The following CISD2 variants were observed in gnomAD, a reference collection of about 807,000 sequenced individuals.
CISD2 encodes CDGSH iron sulfur domain 2.
In CISD2, 1 loss-of-function variant was observed where a neutral mutation model predicts 12.9. The ratio of observed to expected loss-of-function variants is 0.08; its 90% CI spans 0.03 to 0.37. The LOEUF (loss-of-function observed/expected upper bound fraction) is 0.37. Ranked by LOEUF, CISD2 falls within the 10% of genes least tolerant of loss-of-function variation. CISD2 has a pLI of 0.99. For missense variants in CISD2, 97 were observed against 163.1 expected (o/e 0.59, Z 2.21); for synonymous variants, 50 against 60.6 (o/e 0.83, Z 0.81).
intron 1 of CISD2, among the ~76,000 whole-genome samples, chr4:102,872,171 C>T (rs1376300481): frequency 6.6e-6 from 1 of 152,132 alleles, no homozygotes; most frequent in Non-Finnish European, 1.5e-5. Context: ...TGGGTTCAAG[C>T]GATGCTTATG....
intron 1 of CISD2, among the ~76,000 whole-genome samples, chr4:102,873,376 A>C (rs1310625462): frequency 6.6e-6 from 1 of 152,068 alleles, no homozygotes; most frequent in East Asian, 1.9e-4. Context: ...AGCTCAAGCC[A>C]TCCTCCCACC....
At chr4:102,880,355 A>G (rs188239565) in intron 1 of CISD2, among the ~76,000 whole-genome samples, 172 of 152,312 alleles carry the variant, frequency 1.1e-3, no homozygotes, top group African/African-American at 3.9e-3. Flanking sequence ...ATAATCTGAC[A>G]TACCATTAAG....
At chr4:102,886,090 T>G (rs927432874) in intron 2 of CISD2, among the ~76,000 whole-genome samples, 10 of 152,194 alleles carry the variant, frequency 6.6e-5, no homozygotes, top group Admixed American at 3.9e-4. Flanking sequence ...ACTAAATATC[T>G]GATAAAAAGG....
intron 1 of CISD2, among the ~76,000 whole-genome samples, chr4:102,884,055 A>G (rs550576568): frequency 6.6e-6 from 1 of 152,340 alleles, no homozygotes; most frequent in South Asian, 2.1e-4. Flanking sequence ...CAATAGTTAA[A>G]TAGTACTATT....
Position 102,869,195 on chromosome 4 carries a change from T to TC in CISD2, c.103+13dup, listed in dbSNP as rs768213684. ...GGTTCGCTAGGCTCACAGGTAATCC[T>TC]CCCCCATCAGCCAGTCCCCATCCTT... On this transcript the variant is annotated intron_variant, in intron 1 of 2. Coordinates refer to ENST00000273986, the MANE Select transcript of CISD2 (RefSeq NM_001008388.5). 5 of 1,597,672 alleles carry TC rather than the reference T, an allele frequency of 3.1e-6. No individual in the cohort carries two copies. Among genetic ancestry groups the TC allele is most frequent in the Non-Finnish European group, 4.3e-6 (5 of 1,172,398 alleles).
chr4:102,880,630 A>G (rs1733692694), intron 1 of CISD2, among the ~76,000 whole-genome samples: 1 of 152,020 alleles, frequency 6.6e-6, no homozygotes, highest in African/African-American at 2.4e-5. Context: ...GTGAGCCAAG[A>G]TCATGCCACT....
chr4:102,872,983 G>A (rs965392764), intron 1 of CISD2, among the ~76,000 whole-genome samples: 6 of 152,158 alleles, frequency 3.9e-5, no homozygotes, highest in Admixed American at 1.3e-4. Flanking sequence ...CAATCATGGC[G>A]GAAGGCGAAG....
intron 1 of CISD2, 47 bp from the exon 2 acceptor site, chr4:102,885,169 A>G (rs775550185): frequency 1.4e-6 from 2 of 1,443,108 alleles, no homozygotes; most frequent in Non-Finnish European, 2.0e-6. Flanking sequence ...GCTATTTTGA[A>G]TTCTTTTCCA....
intron 1 of CISD2, among the ~76,000 whole-genome samples, chr4:102,876,463 CAA>C (rs1733595479): frequency 6.6e-6 from 1 of 152,106 alleles, no homozygotes; most frequent in Non-Finnish European, 1.5e-5. Context: ...GGTAACTACT[CAA>C]GAGGCCAGGT....
At chr4:102,885,669 G>C (rs1047947814) in intron 2 of CISD2, among the ~76,000 whole-genome samples, 2 of 152,206 alleles carry the variant, frequency 1.3e-5, no homozygotes, top group Admixed American at 6.5e-5. Context: ...CATTTATGTA[G>C]AGTAACATGT....
chr4:102,878,612 A>C lies in CISD2; in HGVS notation c.104-6604A>C, dbSNP rs1733644964. Among the ~76,000 whole-genome samples, 5 of 152,154 alleles carry C rather than the reference A, an allele frequency of 3.3e-5. No homozygotes were observed. In the South Asian group the frequency reaches 1.0e-3, roughly 31 times the overall value. ...GCATAGCAAGAGTGACCTTTGCTCC[A>C]TTTCCCAGTAAGTTCCTCATCTCCA... On this transcript the variant is annotated intron_variant, in intron 1 of 2. Transcript: ENST00000273986.
rs1734230174 is a variant in CISD2, at chr4:102,891,185, GTCT to G, written c.*3760_*3762del. ...TTCAAATTAAGTGGTAATTGAAAAA[GTCT>G]TCTTTTTAAAAAATTTTTAATGGTA... On this transcript the variant is annotated 3_prime_UTR_variant, in exon 3 of 3. Coordinates refer to ENST00000273986, the MANE Select transcript of CISD2 (RefSeq NM_001008388.5). 6.6e-6 allele frequency: 1 copy of G among 151,688 alleles called. No homozygotes were observed. Among genetic ancestry groups the G allele is most frequent in the Non-Finnish European group, 1.5e-5 (1 of 68,022 alleles). 9.4% of individuals were successfully genotyped at this position (151,688 alleles called of 1,614,324 possible). A position where few individuals can be genotyped will look rare whatever the true frequency, so the allele number is the denominator to read the frequency against.
intron 2 of CISD2, among the ~76,000 whole-genome samples, chr4:102,885,972 A>G (rs976474511): frequency 2.0e-5 from 3 of 152,218 alleles, no homozygotes; most frequent in African/African-American, 4.8e-5. Context: ...GATAAGTACT[A>G]TAAGTAGTTG....
chr4:102,880,034 C>A (rs967655826), intron 1 of CISD2, among the ~76,000 whole-genome samples: 29 of 152,054 alleles, frequency 1.9e-4, no homozygotes, highest in Non-Finnish European at 3.2e-4. Context: ...CCTCCACTTC[C>A]GGGATTTAAG....
chr4:102,877,726 T>A (rs1436164178), intron 1 of CISD2, among the ~76,000 whole-genome samples: 1 of 152,204 alleles, frequency 6.6e-6, no homozygotes, highest in Non-Finnish European at 1.5e-5. Context: ...CATCCAGGTG[T>A]TTCCATACAT....
chr4:102,869,334 A>C, intron 1 of CISD2, 147 bp downstream of exon 1: 1 of 1,086,916 alleles, frequency 9.2e-7, no homozygotes, highest in African/African-American at 1.6e-5. Flanking sequence ...GCGCGCGCCG[A>C]CGCAGCTGCC....
At chr4:102,884,776 C>G (rs1366918899) in intron 1 of CISD2, among the ~76,000 whole-genome samples, 1 of 152,246 alleles carries the variant, frequency 6.6e-6, no homozygotes, top group African/African-American at 2.4e-5. Context: ...GACATGTTCT[C>G]TCTGATATTA....
intron 1 of CISD2, among the ~76,000 whole-genome samples, chr4:102,881,072 A>G (rs764326488): frequency 6.6e-6 from 1 of 152,222 alleles, no homozygotes; most frequent in Non-Finnish European, 1.5e-5. Flanking sequence ...AATATCTGTA[A>G]TAGCTGAACA....
At chr4:102,875,614 C>G (rs1466081480) in intron 1 of CISD2, among the ~76,000 whole-genome samples, 1 of 152,192 alleles carries the variant, frequency 6.6e-6, no homozygotes, top group Non-Finnish European at 1.5e-5. Context: ...GGAATTATCT[C>G]AAATGCCAGT....
Sources: allele counts gnomAD v4.1 joint callset (sites outside exome capture counted in the v4.1 genomes callset), GRCh38; gene constraint gnomAD v4.1.1; transcripts MANE v1.5; gene names NCBI Gene and HGNC (gene_info 2026-07-23, HGNC 2026-07-21).